Variants in SLC16A7 observed in about 807,000 individuals in gnomAD.
SLC16A7 encodes monocarboxylate transporter 2.
A neutral mutation model predicts 34.9 loss-of-function variants in SLC16A7; 33 were observed. That is an observed-to-expected ratio of 0.94 (90% CI 0.72 to 1.26). SLC16A7 has a LOEUF of 1.26. Among genes scored for constraint, SLC16A7 ranks in the 50% most tolerant of loss-of-function variants. The pLI is 0.00. For missense variants in SLC16A7, 573 were observed against 578.1 expected, an observed-to-expected ratio of 0.99 and a Z score of 0.09; for synonymous variants, 201 against 206.6, an observed-to-expected ratio of 0.97 and a Z score of 0.23.
chr12:59,730,103 C>T (rs780293742), intron 3 of SLC16A7, among the ~76,000 whole-genome samples: 1 of 151,948 alleles, frequency 6.6e-6, no homozygotes, highest in Non-Finnish European at 1.5e-5. Flanking sequence ...AAAATTAGTT[C>T]AGGATCTACC....
intron 2 of SLC16A7, among the ~76,000 whole-genome samples, chr12:59,690,088 C>A (rs925985089): frequency 6.6e-6 from 1 of 151,838 alleles, no homozygotes; most frequent in South Asian, 2.1e-4. Context: ...AAAAACAAAA[C>A]GGGATATACA....
At chr12:59,602,894 T>G (rs1274568786) in intron 1 of SLC16A7, among the ~76,000 whole-genome samples, 2 of 152,174 alleles carry the variant, frequency 1.3e-5, no homozygotes, top group African/African-American at 2.4e-5. Context: ...AGTCCTGACC[T>G]TCCCTCAACT....
chr12:59,763,743 G>T (rs1007090065), intron 3 of SLC16A7, among the ~76,000 whole-genome samples: 37 of 152,216 alleles, frequency 2.4e-4, no homozygotes, highest in Middle Eastern at 3.4e-3. Flanking sequence ...GACAGCATGT[G>T]CTGACTTTGT....
chr12:59,639,588 T>C (rs1474783501), intron 1 of SLC16A7, among the ~76,000 whole-genome samples: 1 of 152,026 alleles, frequency 6.6e-6, no homozygotes, highest in Non-Finnish European at 1.5e-5. Flanking sequence ...GGTCTCCCGA[T>C]ATTGCCCAAG....
chr12:59,673,899 A>AT (rs1870093987), intron 2 of SLC16A7, among the ~76,000 whole-genome samples: 1 of 152,068 alleles, frequency 6.6e-6, no homozygotes, highest in East Asian at 1.9e-4. Flanking sequence ...TTCTTGTTGG[A>AT]TTTTTTTACT....
rs1239766266 is a variant in SLC16A7 at position 59,785,368 on chromosome 12, G to T, written c.*5689G>T. 1 of 152,110 alleles carries T rather than the reference G, an allele frequency of 6.6e-6. No homozygotes were observed. Among genetic ancestry groups the T allele is most frequent in the African/African-American group, 2.4e-5 (1 of 41,458 alleles). The allele number at this position is 152,110 out of a possible 1,614,324, so 9.4% of individuals were successfully genotyped here. A position where few individuals can be genotyped will look rare whatever the true frequency, so the allele number is the denominator to read the frequency against. ...ATTCATTTATGTGCAAATCAGGGAAGAATTGCTGTAGTATTGAGAATGGTC... is the reference window on the plus strand; with the variant it reads ...ATTCATTTATGTGCAAATCAGGGAATAATTGCTGTAGTATTGAGAATGGTC... On this transcript the variant is annotated 3_prime_UTR_variant, in exon 6 of 6. Transcript: ENST00000547379.
At chr12:59,616,566 C>A (rs1879459950) in intron 1 of SLC16A7, among the ~76,000 whole-genome samples, 1 of 152,068 alleles carries the variant, frequency 6.6e-6, no homozygotes, top group Non-Finnish European at 1.5e-5. Flanking sequence ...TATTTGCCTT[C>A]AGTTGTGCAA....
intron 3 of SLC16A7, among the ~76,000 whole-genome samples, chr12:59,770,386 T>C (rs965701459): frequency 6.6e-6 from 1 of 152,118 alleles, no homozygotes; most frequent in Admixed American, 6.6e-5. Context: ...TGATTTCATC[T>C]AAAGAGCTAC....
chr12:59,681,644 T>G (rs546928540), intron 2 of SLC16A7, among the ~76,000 whole-genome samples: 1 of 152,196 alleles, frequency 6.6e-6, no homozygotes, highest in South Asian at 2.1e-4. Context: ...GGAAACGGAA[T>G]GAAGAGTAGT....
chr12:59,601,865 T>C (rs921148519), intron 1 of SLC16A7, among the ~76,000 whole-genome samples: 17 of 152,188 alleles, frequency 1.1e-4, no homozygotes, highest in Non-Finnish European at 2.1e-4. Flanking sequence ...TATGACCTAC[T>C]TAACTCCCAA....
At chr12:59,736,022 G>C in intron 3 of SLC16A7, 1 of 620,504 alleles carries the variant, frequency 1.6e-6, no homozygotes. Flanking sequence ...TTATTTTAAT[G>C]TATGGTTTTA....
At chr12:59,720,440 T>C (rs1402252077) in intron 3 of SLC16A7, among the ~76,000 whole-genome samples, 2 of 152,058 alleles carry the variant, frequency 1.3e-5, no homozygotes, top group Non-Finnish European at 2.9e-5. Flanking sequence ...CAAAAGCATA[T>C]ATTTGATGTC....
intron 3 of SLC16A7, among the ~76,000 whole-genome samples, chr12:59,767,950 G>A (rs1489043631): frequency 4.5e-5 from 6 of 134,432 alleles, no homozygotes; most frequent in Non-Finnish European, 7.8e-5. Context: ...TCGTGGGGTG[G>A]GGGGAAGGGG....
rs373586460 is a variant in SLC16A7 at position 59,626,876 on chromosome 12, C to G, written c.-129-28276C>G. 2.0e-4 allele frequency among the ~76,000 whole-genome samples: 30 copies of G among 151,842 alleles called. 2 individuals are homozygous for G. The South Asian group carries it at 5.0e-3, about 25-fold the overall frequency. On this transcript the variant is annotated intron_variant, in intron 1 of 5. Coordinates refer to ENST00000547379, the MANE Select transcript of SLC16A7 (RefSeq NM_001270623.2). ...TGCCACTGAGTAAAATAGATGTAAACTTTTCAACAGAATATATTGCATGTG... is the reference window on the plus strand; with the variant it reads ...TGCCACTGAGTAAAATAGATGTAAAGTTTTCAACAGAATATATTGCATGTG...
chr12:59,667,239 G>A (rs1175700334), intron 2 of SLC16A7, among the ~76,000 whole-genome samples: 1 of 152,084 alleles, frequency 6.6e-6, no homozygotes, highest in African/African-American at 2.4e-5. Flanking sequence ...TTGAGATTTG[G>A]GTGGGGACAC....
rs1883118114 is a variant in SLC16A7 at position 59,779,912 on chromosome 12, C to A, written c.*233C>A. ...AAGAATCCATGCTATAGGTTTATTTCCATACCTGACTCTGGGTGTGGTGGT... is the reference window on the plus strand; with the variant it reads ...AAGAATCCATGCTATAGGTTTATTTACATACCTGACTCTGGGTGTGGTGGT... On this transcript the variant is annotated 3_prime_UTR_variant, in exon 6 of 6. Coordinates refer to ENST00000547379, the MANE Select transcript of SLC16A7 (RefSeq NM_001270623.2). 4 of 383,142 alleles carry A rather than the reference C, an allele frequency of 1.0e-5. No individual in the cohort carries two copies. In the South Asian group the frequency reaches 1.4e-4, roughly 14 times the overall value. 23.7% of individuals were successfully genotyped at this position (383,142 alleles called of 1,614,324 possible). A position where few individuals can be genotyped will look rare whatever the true frequency, so the allele number is the denominator to read the frequency against.
chr12:59,712,552 G>A (rs1026167342), intron 3 of SLC16A7, among the ~76,000 whole-genome samples: 7 of 152,176 alleles, frequency 4.6e-5, no homozygotes, highest in African/African-American at 1.2e-4. Flanking sequence ...AAGGGCACAG[G>A]CATGTGACCC....
chr12:59,776,495 T>G (rs2137465791), intron 5 of SLC16A7, among the ~76,000 whole-genome samples: 1 of 152,332 alleles, frequency 6.6e-6, no homozygotes, highest in Middle Eastern at 3.4e-3. Flanking sequence ...AATACCGGAC[T>G]TAAGTATTCA....
intron 3 of SLC16A7, chr12:59,735,862 C>A: frequency 1.3e-6 from 1 of 747,616 alleles, no homozygotes; most frequent in Admixed American, 4.5e-5. Context: ...AAAAACATAC[C>A]AACATTAGAA....
Sources: gnomAD v4.1 joint callset for allele counts (sites outside exome capture counted in the v4.1 genomes callset) on GRCh38, gnomAD v4.1.1 for gene constraint, MANE v1.5 for transcripts, NCBI Gene and HGNC (gene_info 2026-07-23, HGNC 2026-07-21) for gene names.